Variants in ZFAT observed in about 807,000 individuals in gnomAD.
ZFAT encodes the protein zinc finger and AT-hook domain containing.
ZFAT carries 64 observed loss-of-function variants against 117.7 expected under a neutral mutation model. The ratio of observed to expected loss-of-function variants is 0.54; its 90% CI spans 0.44 to 0.67. The LOEUF (loss-of-function observed/expected upper bound fraction) is 0.67, where lower values mean the gene tolerates loss of function less well. ZFAT is among the 30% of genes least tolerant of loss of function. ZFAT has a pLI of 0.00. For missense variants in ZFAT, 1,433 were observed against 1,584.5 expected, an observed-to-expected ratio of 0.90 and a Z score of 1.62; for synonymous variants, 679 against 615.0, an observed-to-expected ratio of 1.10 and a Z score of -1.54.
chr8:134,729,072 G>T, the ZFAT span, among the ~76,000 whole-genome samples: 1 of 152,180 alleles, frequency 6.6e-6, no homozygotes, highest in Admixed American at 6.5e-5. Context: ...AGGAAAGAAT[G>T]CATATCTTTT....
intron 8 of ZFAT, 70 bp from the exon 9 acceptor site, chr8:134,588,465 T>A: frequency 1.4e-6 from 2 of 1,464,050 alleles, no homozygotes; most frequent in South Asian, 2.8e-5. Context: ...ATAAACCTCA[T>A]TGCTAAGCAG....
At chr8:134,495,742 C>A (rs941225996) in intron 15 of ZFAT, among the ~76,000 whole-genome samples, 2 of 152,170 alleles carry the variant, frequency 1.3e-5, no homozygotes, top group African/African-American at 4.8e-5. Flanking sequence ...CCAGCCTGTG[C>A]AACATGGCAA....
intron 1 of ZFAT, among the ~76,000 whole-genome samples, chr8:134,662,721 C>G (rs1434427783): frequency 6.6e-6 from 1 of 152,196 alleles, no homozygotes; most frequent in Non-Finnish European, 1.5e-5. Context: ...AGGCCAGCAT[C>G]TATATTAAAA....
At chr8:134,729,584 C>A in the ZFAT span, among the ~76,000 whole-genome samples, 2 of 152,186 alleles carry the variant, frequency 1.3e-5, no homozygotes, top group Non-Finnish European at 2.9e-5. Flanking sequence ...CCACCCACCT[C>A]GGCCTCACCT....
the ZFAT span, among the ~76,000 whole-genome samples, chr8:134,824,589 AATT>A: frequency 5.3e-5 from 8 of 152,144 alleles, no homozygotes; most frequent in Non-Finnish European, 1.2e-4. Flanking sequence ...TAGAAAGTAA[AATT>A]ATTATCTCTA....
chr8:134,574,085 C>T (rs375296878), intron 10 of ZFAT, among the ~76,000 whole-genome samples: 5 of 152,204 alleles, frequency 3.3e-5, no homozygotes, highest in African/African-American at 9.6e-5. Context: ...ACCAAACCTA[C>T]GAGAGTTCGA....
chr8:134,530,962 G>A (rs904069048), intron 12 of ZFAT, among the ~76,000 whole-genome samples: 3 of 152,110 alleles, frequency 2.0e-5, no homozygotes, highest in Non-Finnish European at 4.4e-5. Context: ...GGTTATCTGC[G>A]GAGGGTCCTG....
At chr8:134,699,978 C>G (rs1253199575) in intron 1 of ZFAT, among the ~76,000 whole-genome samples, 3 of 152,204 alleles carry the variant, frequency 2.0e-5, no homozygotes, top group Non-Finnish European at 4.4e-5. Context: ...AAGTCCTGTG[C>G]ATTGTCAGGC....
intron 1 of ZFAT, among the ~76,000 whole-genome samples, chr8:134,683,790 G>A (rs1275783871): frequency 2.0e-5 from 3 of 152,072 alleles, no homozygotes; most frequent in Non-Finnish European, 4.4e-5. Flanking sequence ...CAGGGGGTGG[G>A]GCACTTAGAA....
chr8:134,488,799 T>A (rs1039522313), intron 15 of ZFAT, among the ~76,000 whole-genome samples: 1 of 152,032 alleles, frequency 6.6e-6, no homozygotes, highest in Non-Finnish European at 1.5e-5. Flanking sequence ...CTGAAGATGA[T>A]GACACTGGTC....
chr8:134,671,382 G>A (rs937374906), intron 1 of ZFAT, among the ~76,000 whole-genome samples: 11 of 152,208 alleles, frequency 7.2e-5, no homozygotes, highest in African/African-American at 2.7e-4. Flanking sequence ...GAATCCGGCA[G>A]CACATCAAAA....
At chr8:134,712,539 C>G (rs1293966047) in intron 1 of ZFAT, among the ~76,000 whole-genome samples, 1 of 152,016 alleles carries the variant, frequency 6.6e-6, no homozygotes, top group South Asian at 2.1e-4. Context: ...GCGCCCACTG[C>G]GTTCCGTCGC....
the ZFAT span, among the ~76,000 whole-genome samples, chr8:134,816,673 C>G: frequency 2.6e-5 from 4 of 152,040 alleles, no homozygotes; most frequent in Admixed American, 2.6e-4. Flanking sequence ...TAGCATCAAT[C>G]AGAAACTGAG....
At chr8:134,662,779 AAG>A (rs1831997137) in intron 1 of ZFAT, among the ~76,000 whole-genome samples, 1 of 152,192 alleles carries the variant, frequency 6.6e-6, no homozygotes, top group Admixed American at 6.5e-5. Context: ...AGCGTACAGA[AAG>A]ACTGTGCAGA....
intron 3 of ZFAT, among the ~76,000 whole-genome samples, chr8:134,615,956 C>T (rs1037334885): frequency 6.6e-6 from 1 of 152,222 alleles, no homozygotes; most frequent in Non-Finnish European, 1.5e-5. Context: ...AACACGCATG[C>T]TCGCTCAGAG....
intron 15 of ZFAT, among the ~76,000 whole-genome samples, chr8:134,505,956 T>C (rs1819374797): frequency 6.6e-6 from 1 of 152,212 alleles, no homozygotes; most frequent in Non-Finnish European, 1.5e-5. Context: ...TGAGTGCCCG[T>C]CAACCATACA....
intron 7 of ZFAT, among the ~76,000 whole-genome samples, chr8:134,597,296 C>G (rs1233079673): frequency 3.9e-5 from 6 of 152,084 alleles, no homozygotes; most frequent in African/African-American, 1.4e-4. Context: ...ATCCTGGAGC[C>G]TGTTTTCATA....
intron 2 of ZFAT, among the ~76,000 whole-genome samples, chr8:134,638,689 C>T (rs1586868412): frequency 6.6e-6 from 1 of 151,282 alleles, no homozygotes; most frequent in East Asian, 1.9e-4. Flanking sequence ...GATCACACTA[C>T]TGCACTCCAG....
chr8:134,645,948 A>T (rs1265867809), intron 2 of ZFAT, among the ~76,000 whole-genome samples: 1 of 152,142 alleles, frequency 6.6e-6, no homozygotes, highest in Non-Finnish European at 1.5e-5. Context: ...CACGCCTGTA[A>T]TCCCAGCACT....
Sources: gnomAD v4.1 joint callset for allele counts (sites outside exome capture counted in the v4.1 genomes callset) on GRCh38, gnomAD v4.1.1 for gene constraint, MANE v1.5 for transcripts, NCBI Gene and HGNC (gene_info 2026-07-23, HGNC 2026-07-21) for gene names.